PTPRD: variants seen among roughly 807,000 people sequenced by gnomAD.
The protein encoded by PTPRD is receptor-type tyrosine-protein phosphatase delta.
In PTPRD, 34 loss-of-function variants were observed where a neutral mutation model predicts 214.5. The observed-to-expected ratio is 0.16, with a 90% CI of 0.12 to 0.21. The LOEUF (loss-of-function observed/expected upper bound fraction) is 0.21. PTPRD is among the 10% of genes least tolerant of loss of function. PTPRD has a pLI of 1.00. For synonymous variants in PTPRD, 1,128 were observed against 845.7 expected (o/e 1.33, Z -5.79); for missense variants, 2,545 against 2,398.7 (o/e 1.06, Z -1.27).
rs149670548 is a variant in PTPRD, at chr9:8,368,421, G to T, written c.4661+7515C>A. The stretch of plus-strand genomic sequence containing the variant: ...ATTCTTAGGCACGAAATGGGAACAG[G>T]ATTGGTGATAGGTTCTCAGTTGCCC... On this transcript the variant is annotated intron_variant, in intron 39 of 45. Coordinates refer to ENST00000381196, the MANE Select transcript of PTPRD (RefSeq NM_002839.4). Among the ~76,000 whole-genome samples, 855 of 152,244 alleles carry T rather than the reference G, an allele frequency of 5.6e-3. 9 individuals carry two copies. The highest frequency in any genetic ancestry group is 0.018 in the African/African-American group (759 of 41,554).
At chr9:10,174,785 G>C (rs1291184905) in intron 3 of PTPRD, among the ~76,000 whole-genome samples, 2 of 151,848 alleles carry the variant, frequency 1.3e-5, no homozygotes, top group Admixed American at 1.3e-4. Context: ...AATTTATTAA[G>C]AACTAATAAT....
chr9:9,839,826 G>A (rs906215188), intron 5 of PTPRD, among the ~76,000 whole-genome samples: 1 of 151,888 alleles, frequency 6.6e-6, no homozygotes, highest in South Asian at 2.1e-4. Flanking sequence ...AAGAAGCCTC[G>A]ATCTCTAATC....
intron 14 of PTPRD, among the ~76,000 whole-genome samples, chr9:8,619,238 C>T (rs2095729057): frequency 6.6e-6 from 1 of 151,928 alleles, no homozygotes; most frequent in African/African-American, 2.4e-5. Context: ...TAGCATCTTT[C>T]AAGAATACAA....
chr9:9,602,586 G>A (rs1225999818), intron 7 of PTPRD, among the ~76,000 whole-genome samples: 2 of 151,908 alleles, frequency 1.3e-5, no homozygotes, highest in Non-Finnish European at 2.9e-5. Context: ...TACCCTCATC[G>A]CTCATTATAT....
chr9:10,484,214 T>C (rs2784619), intron 2 of PTPRD, among the ~76,000 whole-genome samples: 43,363 of 151,836 alleles, frequency 0.29, 7,262 homozygotes, highest in African/African-American at 0.45. Flanking sequence ...AAATACTACA[T>C]GTTCTCACTT....
intron 4 of PTPRD, among the ~76,000 whole-genome samples, chr9:10,029,598 C>G (rs754063363): frequency 3.3e-5 from 5 of 152,114 alleles, no homozygotes; most frequent in Non-Finnish European, 5.9e-5. Context: ...GCCTGTAGCC[C>G]CTTTGTTTTG....
At chr9:8,625,717 G>T (rs993649721) in intron 14 of PTPRD, among the ~76,000 whole-genome samples, 1 of 151,418 alleles carries the variant, frequency 6.6e-6, no homozygotes, top group Non-Finnish European at 1.5e-5. Flanking sequence ...GTAATGCATG[G>T]ATAAAGTTTA....
At position 8,929,799 on chromosome 9, in the gene PTPRD, GTATATATGTGTA is replaced by G. The variant is rs1179775061; in HGVS notation, c.-104+88886_-104+88897del. On this transcript the variant is annotated intron_variant, in intron 11 of 45. Transcript: ENST00000381196. ...TATATGGGTGTGTATATATGTGTGT[GTATATATGTGTA>G]TATATATGTGTATATATATGTGTAT... Among the ~76,000 whole-genome samples the G allele has an allele frequency of 7.2e-4, 29 of 40,226 alleles. 3 individuals are homozygous for G. Among genetic ancestry groups the G allele is most frequent in the African/African-American group, 1.1e-3 (11 of 9,570 alleles). The allele number at this position is 40,226 out of a possible 152,430, so 26.4% of individuals were successfully genotyped here. A position where few individuals can be genotyped will look rare whatever the true frequency, so the allele number is the denominator to read the frequency against.
At chr9:8,730,876 T>G (rs2098649865) in intron 12 of PTPRD, among the ~76,000 whole-genome samples, 3 of 152,188 alleles carry the variant, frequency 2.0e-5, no homozygotes, top group Non-Finnish European at 4.4e-5. Context: ...TTCCCTGAGA[T>G]CACAGCTCTA....
At position 9,998,899 on chromosome 9, in the gene PTPRD, T is replaced by G. The variant is rs1005394474; in HGVS notation, c.-472+34819A>C. 7.9e-5 allele frequency among the ~76,000 whole-genome samples: 12 copies of G among 152,216 alleles called. No individual in the cohort carries two copies. The East Asian group carries it at 1.2e-3, about 15-fold the overall frequency. ...GACATTTTCTTACCATCAATGGATC[T>G]CCAGGAAATATCACCAAGAAATTAA... On this transcript the variant is annotated intron_variant, in intron 4 of 45. Transcript: ENST00000381196.
intron 2 of PTPRD, among the ~76,000 whole-genome samples, chr9:10,390,545 C>T (rs192909885): frequency 6.6e-6 from 1 of 151,864 alleles, no homozygotes; most frequent in Admixed American, 6.6e-5. Flanking sequence ...GTATGTGAAA[C>T]CTAAGATAAT....
intron 5 of PTPRD, among the ~76,000 whole-genome samples, chr9:9,894,849 C>G (rs888226175): frequency 2.0e-5 from 3 of 151,918 alleles, no homozygotes; most frequent in African/African-American, 7.3e-5. Context: ...TTTTTTCTGA[C>G]ACTTTTGTTT....
At chr9:9,725,405 G>A (rs1029770494) in intron 7 of PTPRD, among the ~76,000 whole-genome samples, 6 of 151,628 alleles carry the variant, frequency 4.0e-5, no homozygotes, top group South Asian at 4.2e-4. Flanking sequence ...CCCCAGCTAC[G>A]TGGAACCATA....
intron 2 of PTPRD, among the ~76,000 whole-genome samples, chr9:10,370,750 T>C (rs1050840685): frequency 6.6e-6 from 1 of 151,984 alleles, no homozygotes; most frequent in Non-Finnish European, 1.5e-5. Flanking sequence ...CATGCATCCC[T>C]TTTTAAAGTA....
chr9:10,023,763 A>G (rs2096869119), intron 4 of PTPRD, among the ~76,000 whole-genome samples: 1 of 152,078 alleles, frequency 6.6e-6, no homozygotes, highest in Non-Finnish European at 1.5e-5. Flanking sequence ...TAAGTCCAAA[A>G]AAAAAAGCTT....
chr9:8,893,043 T>A (rs1351549337), intron 11 of PTPRD, among the ~76,000 whole-genome samples: 1 of 152,126 alleles, frequency 6.6e-6, no homozygotes, highest in Non-Finnish European at 1.5e-5. Context: ...AAAACTAAGT[T>A]TTCTAAGAAG....
intron 5 of PTPRD, among the ~76,000 whole-genome samples, chr9:9,776,936 T>G (rs981791): frequency 1.3e-5 from 2 of 152,062 alleles, no homozygotes; most frequent in Non-Finnish European, 2.9e-5. Flanking sequence ...TCCTCTGGGT[T>G]GAAAGGCATA....
intron 36 of PTPRD, among the ~76,000 whole-genome samples, chr9:8,403,203 G>A (rs1034875035): frequency 6.6e-6 from 1 of 152,148 alleles, no homozygotes; most frequent in African/African-American, 2.4e-5. Flanking sequence ...AAAATAAAGC[G>A]GTGGTCAGCA....
chr9:10,019,704 A>C (rs2096804502), intron 4 of PTPRD, among the ~76,000 whole-genome samples: 1 of 149,432 alleles, frequency 6.7e-6, no homozygotes, highest in East Asian at 2.0e-4. Flanking sequence ...GCATGTTCTC[A>C]CTCATAGGTG....
Sources: allele counts gnomAD v4.1 joint callset (sites outside exome capture counted in the v4.1 genomes callset), GRCh38; gene constraint gnomAD v4.1.1; transcripts MANE v1.5; gene names NCBI Gene and HGNC (gene_info 2026-07-23, HGNC 2026-07-21).